TIAM1: variants seen among roughly 807,000 people sequenced by gnomAD.
The protein encoded by TIAM1 is rho guanine nucleotide exchange factor TIAM1.
In TIAM1, 65 loss-of-function variants were observed where a neutral mutation model predicts 163.5. That is an observed-to-expected ratio of 0.40 (90% CI 0.33 to 0.49). The LOEUF (loss-of-function observed/expected upper bound fraction) is 0.49. Among genes scored for constraint, TIAM1 ranks in the 20% least tolerant of loss-of-function variants. The pLI, the probability that TIAM1 is intolerant of heterozygous loss-of-function variation, is 0.77. For synonymous variants in TIAM1, 833 were observed against 810.1 expected, an observed-to-expected ratio of 1.03 and a Z score of -0.48; for missense variants, 1,789 against 2,044.7, an observed-to-expected ratio of 0.87 and a Z score of 2.41.
At chr21:31,238,562 CCTT>C (rs1404121337) in intron 6 of TIAM1, among the ~76,000 whole-genome samples, 1 of 152,106 alleles carries the variant, frequency 6.6e-6, no homozygotes, top group Non-Finnish European at 1.5e-5. Flanking sequence ...AAAAAGAAAA[CCTT>C]CTGATTCCAC....
chr21:31,236,905 G>C lies in TIAM1; in HGVS notation c.1584+8583C>G, dbSNP rs115800138. The stretch of plus-strand genomic sequence containing the variant: ...GGAACCTTAGGCAGGGTTGCCCAAA[G>C]AGACGTGGCAGGAGGTAAATGAAAG... On this transcript the variant is annotated intron_variant, in intron 6 of 27. Coordinates refer to ENST00000541036, the MANE Select transcript of TIAM1 (RefSeq NM_001353694.2). Among the ~76,000 whole-genome samples the C allele has an allele frequency of 3.1e-3, 475 of 152,298 alleles. 4 individuals carry two copies. The highest frequency in any genetic ancestry group is 0.011 in the African/African-American group (442 of 41,558).
At chr21:31,209,236 G>T (rs2086605747) in intron 11 of TIAM1, among the ~76,000 whole-genome samples, 1 of 152,080 alleles carries the variant, frequency 6.6e-6, no homozygotes, top group South Asian at 2.1e-4. Context: ...TCTTTCTCAG[G>T]CTCAGACCTG....
At position 31,331,984 on chromosome 21, in the gene TIAM1, T is replaced by C. The variant is rs572520537; in HGVS notation, c.-189+7259A>G. Among the ~76,000 whole-genome samples the C allele has an allele frequency of 1.8e-4, 27 of 152,336 alleles. No individual in the cohort carries two copies. In the South Asian group the frequency reaches 5.2e-3, roughly 29 times the overall value. On this transcript the variant is annotated intron_variant, in intron 2 of 27. Transcript: ENST00000541036. ...ATCCGTGTCTAACATATCCAATTAC[T>C]GAGAAAAAGCACGTACATGCTCCTG... is the stretch of plus-strand genomic sequence containing the variant.
At chr21:31,142,979 G>A (rs1040501142) in intron 20 of TIAM1, among the ~76,000 whole-genome samples, 1 of 152,184 alleles carries the variant, frequency 6.6e-6, no homozygotes, top group African/African-American at 2.4e-5. Context: ...TCAGGGGAGG[G>A]CAAAATATGG....
At chr21:31,242,441 C>T (rs1017836337) in intron 6 of TIAM1, among the ~76,000 whole-genome samples, 1 of 152,130 alleles carries the variant, frequency 6.6e-6, no homozygotes, top group Non-Finnish European at 1.5e-5. Flanking sequence ...GAGGATTGCT[C>T]AGCCCAGGAG....
intron 13 of TIAM1, among the ~76,000 whole-genome samples, chr21:31,188,680 T>C (rs904302711): frequency 2.0e-5 from 3 of 152,166 alleles, no homozygotes; most frequent in African/African-American, 7.2e-5. Context: ...ATTCAGACAA[T>C]TCCCTACCTC....
intron 19 of TIAM1, among the ~76,000 whole-genome samples, chr21:31,151,887 T>TA (rs2146315264): frequency 6.6e-6 from 1 of 152,244 alleles, no homozygotes; most frequent in South Asian, 2.1e-4. Flanking sequence ...GCACTAGTCA[T>TA]AAATCCTCAT....
chr21:31,331,997 G>A (rs1251516950), intron 2 of TIAM1, among the ~76,000 whole-genome samples: 1 of 152,284 alleles, frequency 6.6e-6, no homozygotes, highest in African/African-American at 2.4e-5. Flanking sequence ...GAAAAAGCAC[G>A]TACATGCTCC....
chr21:31,280,926 G>A (rs569634218), intron 2 of TIAM1, among the ~76,000 whole-genome samples: 1 of 151,630 alleles, frequency 6.6e-6, no homozygotes, highest in East Asian at 1.9e-4. Context: ...ACCAGCCTGG[G>A]CAAAACAGTG....
intron 2 of TIAM1, among the ~76,000 whole-genome samples, chr21:31,394,964 A>G (rs1409830581): frequency 6.6e-6 from 1 of 152,174 alleles, no homozygotes; most frequent in Non-Finnish European, 1.5e-5. Flanking sequence ...GGGGCCAGGC[A>G]TGATGGCTCA....
chr21:31,353,902 G>A (rs1378582041), intron 2 of TIAM1, among the ~76,000 whole-genome samples: 2 of 127,274 alleles, frequency 1.6e-5, no homozygotes, highest in Admixed American at 9.7e-5. Context: ...GCAGTGGAGT[G>A]ATTTCAGCTC....
intron 2 of TIAM1, among the ~76,000 whole-genome samples, chr21:31,292,211 T>A (rs1256284850): frequency 6.6e-6 from 1 of 152,186 alleles, no homozygotes; most frequent in Non-Finnish European, 1.5e-5. Context: ...ACACTTTTTC[T>A]TGGTATTTAG....
In TIAM1 at chr21:31,124,692, G is replaced by A. The variant is rs1246996508; in HGVS notation, c.4136C>T (p.Ser1379Phe). 1.3e-6 allele frequency: 2 copies of A among 1,566,864 alleles called. No individual in the cohort carries two copies. The highest frequency in any genetic ancestry group is 1.9e-5 in the Admixed American group (1 of 53,630). The change falls in exon 27 of 28, where the codon TCC becomes TTC. Residue 1379 changes from serine to phenylalanine, a missense_variant and splice_region_variant. This residue lies in a region of TIAM1 where 415 missense variants were observed against 439.2 expected (regional missense o/e 0.94). Transcript: ENST00000541036. ...PERVFHLCCS[S>F]PESRKDFLKA... ...TAGGAAATCCTTTCGGCTCTCTGGG[G>A]AGCTAGGAAAAGAAGATTTACAGAT...
chr21:31,448,244 G>A lies in TIAM1; in HGVS notation c.-369+15739C>T, dbSNP rs76335618. On this transcript the variant is annotated intron_variant, in intron 2 of 28. Transcript: ENST00000286827. ...GTAATAGGCCCCAAGAAAAACACAT[G>A]AGGAACACTGGTTACTCCTAAAACA... is the stretch of plus-strand genomic sequence containing the variant. Among the ~76,000 whole-genome samples, 308 of 152,272 alleles carry A rather than the reference G, an allele frequency of 2.0e-3. 3 individuals carry two copies. The highest frequency in any genetic ancestry group is 7.0e-3 in the African/African-American group (291 of 41,544).
At chr21:31,189,023 G>A (rs1202783642) in intron 13 of TIAM1, among the ~76,000 whole-genome samples, 1 of 138,246 alleles carries the variant, frequency 7.2e-6, no homozygotes, top group Non-Finnish European at 1.6e-5. Context: ...GACACCTCAG[G>A]TATGATTTGC....
intron 2 of TIAM1, among the ~76,000 whole-genome samples, chr21:31,461,570 T>C (rs2045327994): frequency 6.6e-6 from 1 of 152,198 alleles, no homozygotes; most frequent in Non-Finnish European, 1.5e-5. Context: ...GACACCATTA[T>C]TTAGTGTGAG....
chr21:31,376,778 G>GT (rs2076694704), intron 2 of TIAM1, among the ~76,000 whole-genome samples: 1 of 151,954 alleles, frequency 6.6e-6, no homozygotes, highest in African/African-American at 2.4e-5. Flanking sequence ...TGGATGAATG[G>GT]TAAGTGATGG....
rs2077027991 is a variant in TIAM1, at chr21:31,394,722, TCTCTCTCACA to T, written c.-368-55310_-368-55301del. On this transcript the variant is annotated intron_variant, in intron 2 of 28. Coordinates refer to the TIAM1 transcript ENST00000286827. ...CTCTCTCTCTCGCTCTCTCTCTCTCTCTCTCTCACACACACACACACACACACACACACAC... is the reference window on the plus strand; with the variant it reads ...CTCTCTCTCTCGCTCTCTCTCTCTCTCACACACACACACACACACACACAC... 3.3e-5 allele frequency among the ~76,000 whole-genome samples: 4 copies of T among 120,824 alleles called. No homozygotes were observed. In the South Asian group the frequency reaches 1.3e-3, roughly 40 times the overall value. The allele number at this position is 120,824 out of a possible 152,430, so 79.3% of individuals were successfully genotyped here.
At chr21:31,168,946 C>T (rs1053731716) in intron 15 of TIAM1, among the ~76,000 whole-genome samples, 4 of 152,064 alleles carry the variant, frequency 2.6e-5, no homozygotes, top group Non-Finnish European at 5.9e-5. Context: ...GGAATGACAC[C>T]GCAATGATCA....
Sources: gnomAD v4.1 joint callset for allele counts (sites outside exome capture counted in the v4.1 genomes callset) on GRCh38, gnomAD v4.1.1 for gene constraint, gnomAD v4.1.1 regional missense constraint, MANE v1.5 for transcripts, NCBI Gene and HGNC (gene_info 2026-07-23, HGNC 2026-07-21) for gene names.